NCOR1: variants seen among roughly 807,000 people sequenced by gnomAD.
The protein encoded by NCOR1 is nuclear receptor corepressor 1.
NCOR1 carries 63 observed loss-of-function variants against 288.1 expected under a neutral mutation model. That is an observed-to-expected ratio of 0.22 (90% CI 0.18 to 0.27). The LOEUF (loss-of-function observed/expected upper bound fraction) is 0.27. Ranked by LOEUF, NCOR1 falls within the 10% of genes least tolerant of loss-of-function variation. The probability of loss-of-function intolerance (pLI) is 1.00; values close to 1 mark genes in which losing one functional copy is unlikely to be tolerated. For synonymous variants in NCOR1, 1,007 were observed against 1,065.9 expected, an observed-to-expected ratio of 0.94 and a Z score of 1.08; for missense variants, 2,397 against 3,019.2, an observed-to-expected ratio of 0.79 and a Z score of 4.83.
At chr17:16,045,454 T>C (rs116847886) in intron 42 of NCOR1, among the ~76,000 whole-genome samples, 4,595 of 152,314 alleles carry the variant, frequency 0.03, 96 homozygotes, top group Non-Finnish European at 0.045. Flanking sequence ...GCCTACCACA[T>C]AGTACGCTAG....
chr17:16,069,459 A>G lies in NCOR1; in HGVS notation c.4513+706T>C, dbSNP rs138051759. ...GAGCCATCAATAAATTTGTATTATA[A>G]TAAAAAATGGTAAGTGGATGCATTT... On this transcript the variant is annotated intron_variant, in intron 31 of 45. Transcript: ENST00000268712. Among the ~76,000 whole-genome samples, 485 of 152,320 alleles carry G rather than the reference A, an allele frequency of 3.2e-3. 7 individuals carry two copies. The highest frequency in any genetic ancestry group is 0.024 in the Admixed American group (362 of 15,302).
In NCOR1 at chr17:16,151,844, T is replaced by C. The variant is rs2078912888; in HGVS notation, c.842+102A>G. The C allele has an allele frequency of 3.0e-6, 3 of 1,004,480 alleles. No individual in the cohort carries two copies. In the Admixed American group the frequency reaches 6.6e-5, roughly 22 times the overall value. The allele number at this position is 1,004,480 out of a possible 1,614,324, so 62.2% of individuals were successfully genotyped here. ...CAGCAAATTACACAAATCTAAAACA[T>C]ACCTACAATATATTATAATAATGTC... is the stretch of plus-strand genomic sequence containing the variant. On this transcript the variant is annotated intron_variant, in intron 8 of 45. Transcript: ENST00000268712.
chr17:16,116,792 A>G (rs2071690776), intron 18 of NCOR1, among the ~76,000 whole-genome samples: 1 of 152,230 alleles, frequency 6.6e-6, no homozygotes, highest in Non-Finnish European at 1.5e-5. Flanking sequence ...GATTTAATAA[A>G]ATTAACTTTT....
chr17:16,167,695 A>G (rs2082274448), intron 4 of NCOR1, among the ~76,000 whole-genome samples: 1 of 151,738 alleles, frequency 6.6e-6, no homozygotes, highest in African/African-American at 2.4e-5. Context: ...CCCCATCTCT[A>G]CTAAAACTAC....
chr17:16,186,564 C>T lies in NCOR1; in HGVS notation c.232G>A (p.Gly78Ser), dbSNP rs1351588347. The T allele has an allele frequency of 1.9e-6, 3 of 1,613,868 alleles. No homozygotes were observed. The East Asian group carries it at 6.7e-5, about 36-fold the overall frequency. ...AAGAAACCTCATTACCTGTCAGAAC[C>T]TGGGTGAAATTCTGAAAGCAAGGAA... ...RPSLLSEFHP[G>S]SDRPQERRTS... The change falls in exon 3 of 46, where the codon GGT becomes AGT. Residue 78 changes from glycine to serine, a missense_variant. Transcript: ENST00000268712.
intron 22 of NCOR1, among the ~76,000 whole-genome samples, chr17:16,091,186 T>C (rs7222280): frequency 0.018 from 2,741 of 152,332 alleles, 86 homozygotes; most frequent in African/African-American, 0.062. Flanking sequence ...GGTACCTCCA[T>C]AGTATCTACT....
chr17:16,063,961 C>G (rs2152652353), intron 35 of NCOR1, 107 bp downstream of exon 35: 1 of 1,405,246 alleles, frequency 7.1e-7, no homozygotes. Flanking sequence ...ATAACGTTGT[C>G]TTAGAATTTT....
chr17:16,054,931 TAAC>T (rs1243566037), intron 40 of NCOR1, among the ~76,000 whole-genome samples: 1 of 152,016 alleles, frequency 6.6e-6, no homozygotes, highest in Non-Finnish European at 1.5e-5. Flanking sequence ...GACTCTGTTT[TAAC>T]AACAACAAAA....
intron 3 of NCOR1, among the ~76,000 whole-genome samples, chr17:16,177,499 G>A (rs1266807887): frequency 6.6e-6 from 1 of 152,082 alleles, no homozygotes; most frequent in African/African-American, 2.4e-5. Context: ...AGTCTGGGTG[G>A]GTTCTCCTTG....
chr17:16,172,950 TTTTG>T (rs748945382), intron 3 of NCOR1, among the ~76,000 whole-genome samples: 4 of 152,166 alleles, frequency 2.6e-5, no homozygotes, highest in Non-Finnish European at 5.9e-5. Context: ...TAAATTCTTT[TTTTG>T]TTTGTTTATT....
At chr17:16,178,169 C>T (rs889455291) in intron 3 of NCOR1, among the ~76,000 whole-genome samples, 1 of 151,206 alleles carries the variant, frequency 6.6e-6, no homozygotes, top group African/African-American at 2.4e-5. Flanking sequence ...CGCCACTGCA[C>T]TCCAGTTTGG....
At chr17:16,117,858 A>C in intron 18 of NCOR1, 30 bp downstream of exon 18, 1 of 1,600,244 alleles carries the variant, frequency 6.2e-7, no homozygotes, top group Non-Finnish European at 8.5e-7. Context: ...AAAAACAGTA[A>C]GTAAAGAGTC....
At position 16,126,068 on chromosome 17, in the gene NCOR1, ATTAT is replaced by A. The variant is rs771447242; in HGVS notation, c.1634+10_1634+13del. Reference sequence around the variant, plus strand: ...AAACATTTAACTTATTATATAACTAATTATTTAACTCACTTGGAGTCTTCTTTTT... The same window carrying A: ...AAACATTTAACTTATTATATAACTAATTAACTCACTTGGAGTCTTCTTTTT... On this transcript the variant is annotated intron_variant, in intron 15 of 45. Coordinates refer to ENST00000268712, the MANE Select transcript of NCOR1 (RefSeq NM_006311.4). 2.1e-5 allele frequency: 23 copies of A among 1,117,024 alleles called. 1 individual carries two copies. The Admixed American group carries it at 5.3e-4, about 26-fold the overall frequency. The allele number at this position is 1,117,024 out of a possible 1,614,324, so 69.2% of individuals were successfully genotyped here. A position where few individuals can be genotyped will look rare whatever the true frequency, so the allele number is the denominator to read the frequency against.
chr17:16,146,448 T>C lies in NCOR1; in HGVS notation c.1010A>G (p.Lys337Arg), dbSNP rs2078013345. 2.5e-6 allele frequency: 4 copies of C among 1,613,630 alleles called. No individual in the cohort carries two copies. The highest frequency in any genetic ancestry group is 2.2e-5 in the South Asian group (2 of 90,982). The stretch of plus-strand genomic sequence containing the variant: ...CTGCTTTTCATAGTATTCCCTTGTT[T>C]TGCTTTCTTTAGCTTTCCTCCGAGG... ...NNPRRKAKES[K>R]TREYYEKQFP... Residue 337 changes from lysine to arginine, a missense_variant, in exon 10 of 46, where the codon AAA becomes AGA. Around this residue, in one of 11 missense-constraint regions of NCOR1, gnomAD observed 51 missense variants for 127.6 expected, o/e 0.40. Coordinates refer to ENST00000268712, the MANE Select transcript of NCOR1 (RefSeq NM_006311.4).
chr17:16,054,453 T>A (rs2059687912), intron 40 of NCOR1, among the ~76,000 whole-genome samples: 14 of 152,334 alleles, frequency 9.2e-5, no homozygotes. Flanking sequence ...GACAATCACC[T>A]GAGCCTGGGA....
chr17:16,087,746 TAA>T (rs1381106541), intron 22 of NCOR1, among the ~76,000 whole-genome samples: 3 of 152,226 alleles, frequency 2.0e-5, no homozygotes, highest in Non-Finnish European at 4.4e-5. Context: ...CACTCCTTGC[TAA>T]TATTCACAGA....
At chr17:16,080,272 T>C in intron 25 of NCOR1, 136 bp downstream of exon 25, 1 of 908,032 alleles carries the variant, frequency 1.1e-6, no homozygotes, top group Non-Finnish European at 1.6e-6. Context: ...AAAATGACTT[T>C]TACATGGAAA....
chr17:16,135,906 A>G (rs2076325849), intron 14 of NCOR1, among the ~76,000 whole-genome samples: 1 of 152,204 alleles, frequency 6.6e-6, no homozygotes, highest in African/African-American at 2.4e-5. Context: ...GCTGAGTGGG[A>G]AAACCAGAAG....
intron 20 of NCOR1, among the ~76,000 whole-genome samples, chr17:16,099,311 A>G (rs1313179280): frequency 3.3e-5 from 5 of 152,210 alleles, no homozygotes; most frequent in African/African-American, 7.2e-5. Flanking sequence ...GGGCCTGGTC[A>G]TATTTCCCAG....
Sources: gnomAD v4.1 joint callset for allele counts (sites outside exome capture counted in the v4.1 genomes callset) on GRCh38, gnomAD v4.1.1 for gene constraint, gnomAD v4.1.1 regional missense constraint, MANE v1.5 for transcripts, NCBI Gene and HGNC (gene_info 2026-07-23, HGNC 2026-07-21) for gene names.